Variants in THSD7B observed in about 807,000 individuals in gnomAD.
THSD7B encodes the protein thrombospondin type 1 domain containing 7B.
In THSD7B, 138 loss-of-function variants were observed where a neutral mutation model predicts 213.6. That is an observed-to-expected ratio of 0.65 (90% CI 0.56 to 0.74). The LOEUF (loss-of-function observed/expected upper bound fraction) is 0.74. Ranked by LOEUF, THSD7B falls within the 30% of genes least tolerant of loss-of-function variation. The pLI is 0.00. For missense variants in THSD7B, 1,931 were observed against 1,991.5 expected (o/e 0.97, Z 0.58); for synonymous variants, 742 against 687.0 (o/e 1.08, Z -1.25).
intron 2 of THSD7B, among the ~76,000 whole-genome samples, chr2:136,973,810 G>T (rs1023810023): frequency 6.6e-6 from 1 of 152,166 alleles, no homozygotes; most frequent in African/African-American, 2.4e-5. Context: ...CTGTTTCGGA[G>T]AGTATAAGTC....
Position 136,890,414 on chromosome 2 carries a change from TC to T in THSD7B, c.139+8098del, listed in dbSNP as rs1184807259. On this transcript the variant is annotated intron_variant, in intron 2 of 27. Coordinates refer to ENST00000409968, the MANE Select transcript of THSD7B (RefSeq NM_001316349.2). ...CTCTTCCTCTTCCTCTTCCTCTTCT[TC>T]TTCTTCTTCTTCTTCTTCTTCTTCT... 2.5e-3 allele frequency among the ~76,000 whole-genome samples: 4 copies of T among 1,612 alleles called. 2 individuals are homozygous for T. The highest frequency in any genetic ancestry group is 0.01 in the Non-Finnish European group (4 of 388). 1.1% of individuals were successfully genotyped at this position (1,612 alleles called of 152,430 possible).
chr2:136,990,570 G>A (rs747352774), intron 2 of THSD7B, among the ~76,000 whole-genome samples: 4 of 152,314 alleles, frequency 2.6e-5, no homozygotes, highest in Middle Eastern at 3.4e-3. Context: ...GTGCTGGAAT[G>A]TGGGGCAAGA....
chr2:137,295,967 G>A (rs73958833), intron 12 of THSD7B, among the ~76,000 whole-genome samples: 9,360 of 152,132 alleles, frequency 0.062, 535 homozygotes, highest in African/African-American at 0.14. Flanking sequence ...GATTGAGCTT[G>A]TTTGAATTTG....
Position 137,421,161 on chromosome 2 carries a change from C to G in THSD7B, c.2959+9289C>G, listed in dbSNP as rs565089693. Among the ~76,000 whole-genome samples, 26 of 152,302 alleles carry G rather than the reference C, an allele frequency of 1.7e-4. No individual in the cohort carries two copies. In the South Asian group the frequency reaches 5.0e-3, roughly 29 times the overall value. On this transcript the variant is annotated intron_variant, in intron 14 of 27. Transcript: ENST00000409968. ...TTCCTCTGCCCACACACCAACACAA[C>G]ACCAATCATCAACACAGAAAAATAC...
chr2:137,091,268 G>C (rs1049764293), intron 3 of THSD7B, among the ~76,000 whole-genome samples: 28 of 152,200 alleles, frequency 1.8e-4, no homozygotes, highest in African/African-American at 6.8e-4. Context: ...GCAACAGAGA[G>C]TGAAAGCTGG....
rs546859259 is a variant in THSD7B, at chr2:137,062,410, A to G, written c.950+5180A>G. Among the ~76,000 whole-genome samples, 7 of 151,530 alleles carry G rather than the reference A, an allele frequency of 4.6e-5. 1 individual carries two copies. In the South Asian group the frequency reaches 1.5e-3, roughly 32 times the overall value. ...ATTGCTCTTCTTTTTCTAGTTTCCT[A>G]AGGTGGAAACTTAGGTTACTCATTT... On this transcript the variant is annotated intron_variant, in intron 3 of 27. Coordinates refer to ENST00000409968, the MANE Select transcript of THSD7B (RefSeq NM_001316349.2).
intron 12 of THSD7B, among the ~76,000 whole-genome samples, chr2:137,333,283 A>G (rs574531429): frequency 1.1e-4 from 17 of 152,358 alleles, no homozygotes; most frequent in Admixed American, 1.3e-4. Flanking sequence ...AGTTCATACT[A>G]TCATTTTAAT....
chr2:137,073,182 C>G (rs1282183288), intron 3 of THSD7B, among the ~76,000 whole-genome samples: 1 of 152,098 alleles, frequency 6.6e-6, no homozygotes, highest in Non-Finnish European at 1.5e-5. Context: ...AGGAATGGTA[C>G]CAGTTCCTCT....
At chr2:137,461,597 C>G (rs1687887249) in intron 15 of THSD7B, among the ~76,000 whole-genome samples, 1 of 152,120 alleles carries the variant, frequency 6.6e-6, no homozygotes, top group Admixed American at 6.6e-5. Context: ...CTCCTCCCCT[C>G]CTCTTCAATC....
At chr2:137,641,265 C>A (rs1401658478) in intron 20 of THSD7B, among the ~76,000 whole-genome samples, 1 of 152,152 alleles carries the variant, frequency 6.6e-6, no homozygotes, top group Non-Finnish European at 1.5e-5. Context: ...ATATATGATC[C>A]TTTGCACCTC....
At chr2:136,907,005 T>C (rs1382339564) in intron 2 of THSD7B, among the ~76,000 whole-genome samples, 6 of 139,336 alleles carry the variant, frequency 4.3e-5, no homozygotes, top group Non-Finnish European at 7.6e-5. Context: ...AGTGCAGTGG[T>C]GTGATCTTGG....
At chr2:136,927,061 C>T (rs1366514975) in intron 2 of THSD7B, among the ~76,000 whole-genome samples, 1 of 152,078 alleles carries the variant, frequency 6.6e-6, no homozygotes, top group Non-Finnish European at 1.5e-5. Context: ...TTTTTGTACA[C>T]CAAAAAGACC....
intron 2 of THSD7B, among the ~76,000 whole-genome samples, chr2:136,953,827 T>C (rs550210579): frequency 6.6e-6 from 1 of 152,326 alleles, no homozygotes; most frequent in South Asian, 2.1e-4. Flanking sequence ...CTCTCTAGTT[T>C]ACTGTGCTCT....
chr2:137,291,216 T>C (rs1683329689), intron 12 of THSD7B, among the ~76,000 whole-genome samples: 1 of 152,150 alleles, frequency 6.6e-6, no homozygotes, highest in Admixed American at 6.5e-5. Context: ...CTATGTCCTG[T>C]CCTAGTCCCA....
rs553187702 is a variant in THSD7B at position 137,069,944 on chromosome 2, T to C, written c.950+12714T>C. ...AAATATATATGTAGTTGTTTTGTTG[T>C]TGTGTTGGTGGGAATGGAGGATTAT... On this transcript the variant is annotated intron_variant, in intron 3 of 27. Transcript: ENST00000409968. 2.0e-5 allele frequency among the ~76,000 whole-genome samples: 3 copies of C among 151,520 alleles called. No homozygotes were observed. The South Asian group carries it at 6.2e-4, about 31-fold the overall frequency.
At chr2:137,449,161 G>A (rs915491610) in intron 14 of THSD7B, among the ~76,000 whole-genome samples, 4 of 152,116 alleles carry the variant, frequency 2.6e-5, no homozygotes, top group East Asian at 1.9e-4. Context: ...AGGCAGGCTT[G>A]TGGAGAGAAT....
chr2:137,310,493 A>T (rs895948717), intron 12 of THSD7B, among the ~76,000 whole-genome samples: 1 of 149,906 alleles, frequency 6.7e-6, no homozygotes, highest in African/African-American at 2.5e-5. Context: ...TGCTGTGCAG[A>T]AGCTCTTTAG....
At chr2:137,430,097 G>A (rs1355189661) in intron 14 of THSD7B, among the ~76,000 whole-genome samples, 2 of 151,780 alleles carry the variant, frequency 1.3e-5, no homozygotes, top group Non-Finnish European at 2.9e-5. Context: ...TTAAAAAGAA[G>A]TTAGCTGGGT....
intron 1 of THSD7B, among the ~76,000 whole-genome samples, chr2:136,874,726 T>G (rs539446327): frequency 1.3e-5 from 2 of 152,198 alleles, no homozygotes; most frequent in Non-Finnish European, 2.9e-5. Flanking sequence ...AAGGAGAAAC[T>G]GTGTTTTTTA....
Sources: gnomAD v4.1 joint callset for allele counts (sites outside exome capture counted in the v4.1 genomes callset) on GRCh38, gnomAD v4.1.1 for gene constraint, MANE v1.5 for transcripts, NCBI Gene and HGNC (gene_info 2026-07-23, HGNC 2026-07-21) for gene names.